Variants in ALG8 observed in about 807,000 individuals in gnomAD.
ALG8 encodes ALG8 alpha-1,3-glucosyltransferase, also known as dolichyl pyrophosphate Glc1Man9GlcNAc2 alpha-1,3-glucosyltransferase.
In ALG8, 48 loss-of-function variants were observed where a neutral mutation model predicts 70.2. That is an observed-to-expected ratio of 0.68 (90% CI 0.54 to 0.87). The LOEUF is 0.87. ALG8 is among the 40% of genes least tolerant of loss of function. The probability of loss-of-function intolerance (pLI) is 0.00; values close to 1 mark genes in which losing one functional copy is unlikely to be tolerated. For missense variants in ALG8, 572 were observed against 608.7 expected (o/e 0.94, Z 0.64); for synonymous variants, 234 against 229.0 (o/e 1.02, Z -0.20).
At chr11:78,139,426 C>A (rs1034636667) in intron 1 of ALG8, 68 bp downstream of exon 1, 2 of 1,456,792 alleles carry the variant, frequency 1.4e-6, no homozygotes, top group African/African-American at 1.4e-5. Flanking sequence ...GATATCCACA[C>A]CTTTCTCTCC....
At chr11:78,116,273 A>G (rs961102883) in intron 5 of ALG8, among the ~76,000 whole-genome samples, 1 of 152,042 alleles carries the variant, frequency 6.6e-6, no homozygotes, top group Non-Finnish European at 1.5e-5. Context: ...AGACACGAGA[A>G]TCACGTGAGG....
chr11:78,104,126 G>T, intron 11 of ALG8, 74 bp from the exon 12 acceptor site: 1 of 1,027,900 alleles, frequency 9.7e-7, no homozygotes, highest in Non-Finnish European at 1.5e-6. Flanking sequence ...AGTAATATAA[G>T]CACACTGACA....
chr11:78,129,913 CACA>C (rs57903965), intron 1 of ALG8, among the ~76,000 whole-genome samples: 1,623 of 152,170 alleles, frequency 0.011, 32 homozygotes, highest in African/African-American at 0.037. Context: ...ACAGTAATTA[CACA>C]ACAACGCACA....
intron 3 of ALG8, 113 bp from the exon 4 acceptor site, chr11:78,121,287 C>CTT (rs376124604): frequency 7.8e-4 from 488 of 623,144 alleles, no homozygotes; most frequent in Non-Finnish European, 9.0e-4. Flanking sequence ...ACATGCCATT[C>CTT]TTTTTTTTTT....
intron 11 of ALG8, 109 bp from the exon 12 acceptor site, chr11:78,104,161 TTTTAAG>T (rs745610722): frequency 5.4e-5 from 50 of 921,388 alleles, no homozygotes; most frequent in Non-Finnish European, 7.4e-5. Context: ...TAATAATACT[TTTTAAG>T]TTTAATTTTA....
At chr11:78,103,769 C>T (rs895533678) in intron 12 of ALG8, among the ~76,000 whole-genome samples, 6 of 152,184 alleles carry the variant, frequency 3.9e-5, no homozygotes, top group African/African-American at 1.4e-4. Context: ...AAGTAGTCCT[C>T]CTCAAATACT....
At chr11:78,127,327 T>TA (rs59662312) in intron 2 of ALG8, 31 bp downstream of exon 2, 5,096 of 1,339,698 alleles carry the variant, frequency 3.8e-3, no homozygotes, top group Non-Finnish European at 4.4e-3. Flanking sequence ...AGATGAATCT[T>TA]AAAAAAAAAA....
chr11:78,132,096 G>C (rs944596420), intron 1 of ALG8, among the ~76,000 whole-genome samples: 2 of 152,120 alleles, frequency 1.3e-5, no homozygotes, highest in Non-Finnish European at 2.9e-5. Flanking sequence ...CTCTGTGTGA[G>C]GTAGGTTCTT....
intron 1 of ALG8, among the ~76,000 whole-genome samples, chr11:78,132,622 T>C (rs1340455964): frequency 1.3e-5 from 2 of 152,128 alleles, no homozygotes; most frequent in African/African-American, 2.4e-5. Context: ...AATAGGTCAA[T>C]ACTTTCACAC....
chr11:78,125,039 C>CT (rs371256475), intron 2 of ALG8, among the ~76,000 whole-genome samples: 34,179 of 145,000 alleles, frequency 0.24, 5,309 homozygotes, highest in African/African-American at 0.45. Context: ...TTTTCTTTTT[C>CT]TTTTTTTTTT....
chr11:78,114,272 T>A lies in ALG8; in HGVS notation c.667A>T (p.Lys223Ter). The A allele has an allele frequency of 6.2e-7, 1 of 1,614,130 alleles. No homozygotes were observed. The highest frequency in any genetic ancestry group is 8.5e-7 in the Non-Finnish European group (1 of 1,180,022). The change falls in exon 6 of 13, where the codon AAA becomes TAA. Residue 223 changes from lysine (K) to a stop codon, truncating the protein, a stop_gained. Transcript: ENST00000299626. LOFTEE classifies it high-confidence loss of function. ...LLRSYCFTAN[K>*]PDGSIRWKSF... is the part of the protein sequence containing the mutation. ...TATTATTACCAAAACTTGCCTGGTT[T>A]ATTTGCAGTGAAACAGTAGGATCGC...
intron 1 of ALG8, among the ~76,000 whole-genome samples, chr11:78,130,361 A>AAAGAAAAGAAAAGAAAAAAAAG (rs1861256034): frequency 1.5e-5 from 2 of 132,702 alleles, no homozygotes; most frequent in African/African-American, 6.3e-5. Context: ...AAAAAAAAAA[A>AAAGAAAAGAAAAGAAAAAAAAG]AAAAAAGGTG....
At chr11:78,119,156 A>T (rs777929727) in intron 5 of ALG8, 26 bp downstream of exon 5, 3 of 1,559,960 alleles carry the variant, frequency 1.9e-6, no homozygotes, top group Non-Finnish European at 2.7e-6. Context: ...AAAAGGGAAA[A>T]AATCTAATTA....
chr11:78,116,720 C>CA (rs893426176), intron 5 of ALG8, among the ~76,000 whole-genome samples: 33 of 150,112 alleles, frequency 2.2e-4, no homozygotes, highest in South Asian at 2.1e-3. Context: ...ACGTTGTCTT[C>CA]AAAAAAAAAG....
Position 78,139,610 on chromosome 11 carries a change from C to T in ALG8, c.-22G>A. 6.4e-7 allele frequency: 1 copy of T among 1,550,704 alleles called. No homozygotes were observed. Among genetic ancestry groups the T allele is most frequent in the Non-Finnish European group, 8.7e-7 (1 of 1,146,118 alleles). On this transcript the variant is annotated 5_prime_UTR_variant, in exon 1 of 13. Transcript: ENST00000299626. ...CCATTGCTGCGGCACCGCACGCTTC[C>T]CACCAACTTGATCCACATCCGGGAT...
intron 11 of ALG8, 121 bp downstream of exon 11, chr11:78,104,235 G>C: frequency 9.7e-7 from 1 of 1,035,220 alleles, no homozygotes; most frequent in Non-Finnish European, 1.4e-6. Context: ...TTTTATTTAA[G>C]AGGATGAATG....
chr11:78,119,582 C>T (rs755414886), intron 4 of ALG8, among the ~76,000 whole-genome samples: 17 of 151,932 alleles, frequency 1.1e-4, no homozygotes, highest in Non-Finnish European at 1.6e-4. Context: ...GCACATACCA[C>T]CACACCCAGC....
In ALG8 at chr11:78,112,769, T is replaced by C. The variant is rs1178927462; in HGVS notation, c.779A>G (p.Asn260Ser). The C allele has an allele frequency of 2.5e-6, 4 of 1,613,492 alleles. No individual in the cohort carries two copies. Among genetic ancestry groups the C allele is most frequent in the Admixed American group, 1.7e-5 (1 of 59,998 alleles). ...TCGGGAAAAGACTTGAGGCAGCTGA[T>C]TCTGTTGAAAAGAGAAATGAAACTG... ...ALSLGPFLAL[N>S]QLPQVFSRLF... The change falls in exon 8 of 13, where the codon AAT (asparagine) becomes AGT (serine). Residue 260 changes from asparagine to serine, a missense_variant and splice_region_variant. By Grantham distance (46) the Asn-to-Ser change is conservative. Coordinates refer to ENST00000299626, the MANE Select transcript of ALG8 (RefSeq NM_024079.5).
intron 1 of ALG8, chr11:78,135,206 T>C (rs1861487802): frequency 6.6e-6 from 1 of 151,576 alleles, no homozygotes; most frequent in African/African-American, 2.4e-5. Flanking sequence ...ATACAAAAAA[T>C]TAGCAGGGTA....
Sources: gnomAD v4.1 joint callset for allele counts (sites outside exome capture counted in the v4.1 genomes callset) on GRCh38, gnomAD v4.1.1 for gene constraint, MANE v1.5 for transcripts, NCBI Gene and HGNC (gene_info 2026-07-23, HGNC 2026-07-21) for gene names.